The following PGBD5 variants were observed in gnomAD, a reference collection of about 807,000 sequenced individuals.
PGBD5 encodes the protein piggyBac transposable element derived 5.
In PGBD5, 14 loss-of-function variants were observed where a neutral mutation model predicts 47.9. That is an observed-to-expected ratio of 0.29 (90% confidence interval 0.19 to 0.46). The LOEUF (loss-of-function observed/expected upper bound fraction) is 0.46. Ranked by LOEUF, PGBD5 falls within the 20% of genes least tolerant of loss-of-function variation. The pLI is 1.00. For missense variants in PGBD5, 635 were observed against 716.0 expected (o/e 0.89, Z 1.29); for synonymous variants, 316 against 306.3 (o/e 1.03, Z -0.33).
chr1:230,341,452 A>C (rs1667406645), intron 3 of PGBD5, among the ~76,000 whole-genome samples: 1 of 152,242 alleles, frequency 6.6e-6, no homozygotes, highest in South Asian at 2.1e-4. Context: ...CAAATGCTTA[A>C]GCTATACAAG....
At chr1:230,420,525 A>C (rs574394739) in intron 1 of PGBD5, among the ~76,000 whole-genome samples, 43 of 152,270 alleles carry the variant, frequency 2.8e-4, no homozygotes, top group Non-Finnish European at 5.7e-4. Context: ...GAGATAACTG[A>C]ATCATGGGGG....
intron 1 of PGBD5, among the ~76,000 whole-genome samples, chr1:230,419,603 C>T (rs1379117065): frequency 6.6e-6 from 1 of 152,156 alleles, no homozygotes; most frequent in Non-Finnish European, 1.5e-5. Flanking sequence ...AAATACTCCT[C>T]TAAGAGCCAT....
chr1:230,398,707 C>A (rs540741020), intron 1 of PGBD5, among the ~76,000 whole-genome samples: 3 of 152,306 alleles, frequency 2.0e-5, no homozygotes, highest in South Asian at 4.1e-4. Flanking sequence ...CCACCCAAGA[C>A]CTCTGGGCTC....
At chr1:230,351,834 A>G (rs1242271818) in intron 2 of PGBD5, among the ~76,000 whole-genome samples, 3 of 152,212 alleles carry the variant, frequency 2.0e-5, no homozygotes, top group Non-Finnish European at 4.4e-5. Flanking sequence ...CAACTTTTTG[A>G]TAACATGATT....
At chr1:230,367,838 GCGTC>G in intron 1 of PGBD5, 1 of 112,000 alleles carries the variant, frequency 8.9e-6, no homozygotes, top group Non-Finnish European at 1.6e-5. Flanking sequence ...GAGCATTCTC[GCGTC>G]CAATTTCATT....
intron 4 of PGBD5, among the ~76,000 whole-genome samples, chr1:230,335,762 CAGATACAG>C (rs371664220): frequency 0.11 from 18 of 158 alleles, 1 homozygote; most frequent in African/African-American, 0.15. Flanking sequence ...CACAGATACA[CAGATACAG>C]ACAGACACAC....
intron 1 of PGBD5, among the ~76,000 whole-genome samples, chr1:230,384,632 G>A (rs777904196): frequency 1.3e-5 from 2 of 152,124 alleles, no homozygotes; most frequent in Non-Finnish European, 2.9e-5. Context: ...AAACGTAAAG[G>A]ATAGAAGGAA....
chr1:230,407,672 A>G (rs983350685), intron 1 of PGBD5, among the ~76,000 whole-genome samples: 1 of 152,134 alleles, frequency 6.6e-6, no homozygotes, highest in Admixed American at 6.5e-5. Flanking sequence ...ATCAAAACTA[A>G]TGTTCATAGA....
chr1:230,409,850 G>C (rs966074762), intron 1 of PGBD5, among the ~76,000 whole-genome samples: 2 of 151,036 alleles, frequency 1.3e-5, no homozygotes, highest in Admixed American at 6.6e-5. Flanking sequence ...AAAAAAAAAA[G>C]GATAAACAAC....
intron 1 of PGBD5, among the ~76,000 whole-genome samples, chr1:230,402,838 CAT>C (rs1325119818): frequency 6.6e-6 from 1 of 152,216 alleles, no homozygotes; most frequent in Non-Finnish European, 1.5e-5. Flanking sequence ...TGGTAGAACA[CAT>C]GTGACTCTCT....
chr1:230,378,321 G>C (rs936878512), intron 1 of PGBD5, among the ~76,000 whole-genome samples: 1 of 152,180 alleles, frequency 6.6e-6, no homozygotes, highest in Admixed American at 6.5e-5. Context: ...TCATAAACAG[G>C]ATTTGCTGTC....
chr1:230,354,720 C>G (rs1266031394), intron 2 of PGBD5, among the ~76,000 whole-genome samples: 1 of 152,144 alleles, frequency 6.6e-6, no homozygotes, highest in East Asian at 1.9e-4. Flanking sequence ...CTCCCTTAAC[C>G]CGGATCACAC....
intron 2 of PGBD5, among the ~76,000 whole-genome samples, chr1:230,354,765 G>C (rs1404047917): frequency 6.6e-6 from 1 of 152,100 alleles, no homozygotes; most frequent in Non-Finnish European, 1.5e-5. Flanking sequence ...ACATCTCTTC[G>C]GCTGCCCTGC....
chr1:230,379,148 T>A (rs1206658211), intron 1 of PGBD5, among the ~76,000 whole-genome samples: 1 of 152,180 alleles, frequency 6.6e-6, no homozygotes, highest in African/African-American at 2.4e-5. Flanking sequence ...TGTCCAACTC[T>A]AGGGGAGGAA....
chr1:230,384,220 C>T (rs1261389759), intron 1 of PGBD5, among the ~76,000 whole-genome samples: 2 of 152,068 alleles, frequency 1.3e-5, no homozygotes, highest in African/African-American at 4.8e-5. Context: ...ACAAAAACAA[C>T]AAACAGGAGT....
intron 4 of PGBD5, 140 bp from the exon 5 acceptor site, chr1:230,333,181 C>G (rs1667250873): frequency 9.6e-6 from 8 of 831,946 alleles, no homozygotes; most frequent in Non-Finnish European, 1.5e-5. Context: ...CTCTAGAGAC[C>G]CCTCTAGAAG....
chr1:230,348,431 T>C (rs1667508164), intron 3 of PGBD5, among the ~76,000 whole-genome samples: 1 of 152,160 alleles, frequency 6.6e-6, no homozygotes, highest in Non-Finnish European at 1.5e-5. Context: ...TGACCAGCTG[T>C]CTGGCAGGTA....
At chr1:230,361,217 C>T (rs1041821350) in intron 1 of PGBD5, among the ~76,000 whole-genome samples, 3 of 151,950 alleles carry the variant, frequency 2.0e-5, no homozygotes, top group Admixed American at 6.6e-5. Flanking sequence ...CGGGGGATAA[C>T]GCAGGATGAA....
At chr1:230,361,725 G>A (rs769373258) in intron 1 of PGBD5, among the ~76,000 whole-genome samples, 1 of 152,206 alleles carries the variant, frequency 6.6e-6, no homozygotes. Context: ...CCTGAAAGTC[G>A]AAAGGAGTAA....
Sources: gnomAD v4.1 joint callset for allele counts (sites outside exome capture counted in the v4.1 genomes callset) on GRCh38, gnomAD v4.1.1 for gene constraint, MANE v1.5 for transcripts, NCBI Gene and HGNC (gene_info 2026-07-23, HGNC 2026-07-21) for gene names.